The following MIB1 variants were observed in gnomAD, a reference collection of about 807,000 sequenced individuals.
MIB1 encodes the protein MIB E3 ubiquitin protein ligase 1.
MIB1 carries 278 observed loss-of-function variants against 124.5 expected under a neutral mutation model. The ratio of observed to expected loss-of-function variants is 2.23; its 90% confidence interval spans 2.02 to 2.47. The LOEUF is 2.47. Ranked by LOEUF, MIB1 falls within the 30% of genes most tolerant of loss-of-function variation. The pLI, the probability that MIB1 is intolerant of heterozygous loss-of-function variation, is 0.00. For missense variants in MIB1, 957 were observed against 1,254.4 expected (o/e 0.76, Z 3.58); for synonymous variants, 446 against 429.4 (o/e 1.04, Z -0.48).
chr18:21,843,043 G>A, intron 13 of MIB1, 88 bp from the exon 14 acceptor site: 2 of 872,466 alleles, frequency 2.3e-6, no homozygotes, highest in Middle Eastern at 2.4e-4. Context: ...AGTGTTCGGT[G>A]TTATTTATTC....
At chr18:21,749,911 G>C (rs1568185670) in intron 1 of MIB1, among the ~76,000 whole-genome samples, 2 of 151,308 alleles carry the variant, frequency 1.3e-5, no homozygotes, top group Non-Finnish European at 2.9e-5. Context: ...CAAAGTGCTG[G>C]GATTACAGGC....
rs1218383555 is a variant in MIB1, at chr18:21,725,094, C to CAAA, written n.167+19991_167+19993dup. On this transcript the variant is annotated intron_variant and non_coding_transcript_variant, in intron 1 of 20. Transcript: ENST00000578646. The stretch of plus-strand genomic sequence containing the variant: ...TGGGTGACAGAGCGAGACTCTGTCT[C>CAAA]AAAAAAAAAAAAAAAAAAAAAAGAC... Among the ~76,000 whole-genome samples, 33 of 43,722 alleles carry CAAA rather than the reference C, an allele frequency of 7.5e-4. 1 individual carries two copies. Among genetic ancestry groups the CAAA allele is most frequent in the African/African-American group, 1.0e-3 (12 of 11,932 alleles). The allele number at this position is 43,722 out of a possible 152,430, so 28.7% of individuals were successfully genotyped here.
intron 4 of MIB1, among the ~76,000 whole-genome samples, 171 bp from the exon 5 acceptor site, chr18:21,777,932 G>T (rs1002795000): frequency 6.6e-6 from 1 of 152,170 alleles, no homozygotes; most frequent in African/African-American, 2.4e-5. Flanking sequence ...TGAAGATCAG[G>T]TTTCTAGTTT....
chr18:21,800,088 T>C (rs1424104826), intron 9 of MIB1, 114 bp downstream of exon 9: 3 of 810,858 alleles, frequency 3.7e-6, no homozygotes, highest in Non-Finnish European at 5.5e-6. Flanking sequence ...TTCTTCTTTC[T>C]TGTTTTTGTG....
chr18:21,819,198 C>T (rs553309143), intron 11 of MIB1, among the ~76,000 whole-genome samples: 1 of 152,110 alleles, frequency 6.6e-6, no homozygotes, highest in East Asian at 1.9e-4. Flanking sequence ...CCGCCGTGCC[C>T]GGCTAATTTT....
chr18:21,756,467 T>C (rs1485478942), intron 1 of MIB1, among the ~76,000 whole-genome samples: 1 of 151,972 alleles, frequency 6.6e-6, no homozygotes, highest in Non-Finnish European at 1.5e-5. Context: ...TAAAATTCTT[T>C]TTTTTATTTT....
At chr18:21,765,689 G>T in intron 1 of MIB1, 83 bp from the exon 2 acceptor site, 1 of 1,339,824 alleles carries the variant, frequency 7.5e-7, no homozygotes. Flanking sequence ...AAAATGTTCT[G>T]TTCTTATTTT....
intron 13 of MIB1, among the ~76,000 whole-genome samples, chr18:21,842,210 A>T (rs1281063289): frequency 6.6e-6 from 1 of 151,988 alleles, no homozygotes; most frequent in East Asian, 1.9e-4. Flanking sequence ...GAAGAATATG[A>T]CATAACATTA....
upstream of MIB1, among the ~76,000 whole-genome samples, chr18:21,738,417 C>T (rs1337333395): frequency 2.0e-5 from 3 of 152,234 alleles, no homozygotes; most frequent in Non-Finnish European, 1.5e-5. Context: ...ATCTCTGGGA[C>T]TCATTTAAAG....
At chr18:21,823,242 A>T (rs1026645151) in intron 12 of MIB1, among the ~76,000 whole-genome samples, 2 of 151,872 alleles carry the variant, frequency 1.3e-5, no homozygotes, top group East Asian at 3.9e-4. Flanking sequence ...AAAAAAAAAA[A>T]AAAAAAGAAT....
chr18:21,805,157 C>T (rs1038198150), intron 10 of MIB1, among the ~76,000 whole-genome samples: 9 of 152,002 alleles, frequency 5.9e-5, no homozygotes, highest in East Asian at 5.8e-4. Context: ...CGATTATAGG[C>T]GCCTGCTACC....
intron 19 of MIB1, among the ~76,000 whole-genome samples, chr18:21,857,527 A>G (rs923381460): frequency 3.3e-5 from 5 of 152,230 alleles, no homozygotes; most frequent in African/African-American, 7.2e-5. Flanking sequence ...TTTGTGCTCT[A>G]TTTTTAAGAT....
intron 10 of MIB1, among the ~76,000 whole-genome samples, chr18:21,812,736 C>T (rs1227881195): frequency 1.3e-5 from 2 of 152,040 alleles, no homozygotes; most frequent in East Asian, 3.9e-4. Context: ...AAACACGATC[C>T]GTTTTAGATT....
intron 12 of MIB1, chr18:21,826,474 TA>T (rs2041925409): frequency 6.6e-6 from 1 of 152,134 alleles, no homozygotes; most frequent in Admixed American, 6.6e-5. Flanking sequence ...TTAACCCTTT[TA>T]AAGGTCTATT....
chr18:21,794,735 A>G (rs2041554039), intron 7 of MIB1, among the ~76,000 whole-genome samples: 1 of 152,172 alleles, frequency 6.6e-6, no homozygotes, highest in Non-Finnish European at 1.5e-5. Context: ...TAAAGGAAAG[A>G]AAATTATTTT....
chr18:21,775,544 T>G (rs2041275133), intron 4 of MIB1, among the ~76,000 whole-genome samples: 2 of 152,240 alleles, frequency 1.3e-5, no homozygotes, highest in South Asian at 4.1e-4. Flanking sequence ...AGCTGACCAA[T>G]TCATGCCACT....
chr18:21,718,277 A>T (rs2040698624), intron 1 of MIB1, among the ~76,000 whole-genome samples: 1 of 152,144 alleles, frequency 6.6e-6, no homozygotes, highest in African/African-American at 2.4e-5. Flanking sequence ...AAAACTACAA[A>T]TTGGGTGCAG....
In MIB1 at chr18:21,847,125, G is replaced by T. The variant is rs760661943; in HGVS notation, c.2393G>T (p.Ser798Ile). The change falls in exon 16 of 21, where the codon AGT becomes ATT. Residue 798 changes from serine to isoleucine, a missense_variant and splice_region_variant. Transcript: ENST00000261537. ...ALAKCHKEKVSGQVGSRSPSM... is the reference protein window; with the variant it reads ...ALAKCHKEKVIGQVGSRSPSM... ...GCAAAGTGTCATAAGGAAAAAGTCA[G>T]GTTTGTATTATTTATTATCATAAAA... The T allele has an allele frequency of 6.2e-7, 1 of 1,612,878 alleles. No homozygotes were observed. The highest frequency in any genetic ancestry group is 2.2e-5 in the East Asian group (1 of 44,860).
At chr18:21,853,917 TGCA>T (rs2042202820) in intron 18 of MIB1, among the ~76,000 whole-genome samples, 2 of 146,398 alleles carry the variant, frequency 1.4e-5, no homozygotes, top group East Asian at 4.1e-4. Context: ...TAGGCTGGAG[TGCA>T]GTGGCACAAT....
Sources: allele counts gnomAD v4.1 joint callset (sites outside exome capture counted in the v4.1 genomes callset), GRCh38; gene constraint gnomAD v4.1.1; transcripts MANE v1.5; gene names NCBI Gene and HGNC (gene_info 2026-07-23, HGNC 2026-07-21).